The following CLYBL variants were observed in gnomAD, a reference collection of about 807,000 sequenced individuals.
CLYBL encodes the protein citramalyl-CoA lyase, also known as citramalyl-CoA lyase, mitochondrial.
A neutral mutation model predicts 38.9 loss-of-function variants in CLYBL; 31 were observed. That is an observed-to-expected ratio of 0.80 (90% confidence interval 0.60 to 1.08). The LOEUF is 1.08. CLYBL is among the 50% of genes least tolerant of loss of function. The pLI is 0.00. For synonymous variants in CLYBL, 171 were observed against 158.6 expected (o/e 1.08, Z -0.59); for missense variants, 434 against 411.6 (o/e 1.05, Z -0.47).
intron 1 of CLYBL, among the ~76,000 whole-genome samples, chr13:99,695,864 G>A (rs576338724): frequency 1.4e-4 from 22 of 152,148 alleles, no homozygotes; most frequent in Non-Finnish European, 3.1e-4. Context: ...TGTCACATGA[G>A]GGTCTTCAGG....
intron 1 of CLYBL, among the ~76,000 whole-genome samples, chr13:99,674,352 A>G (rs937913011): frequency 1.3e-5 from 2 of 151,788 alleles, no homozygotes; most frequent in East Asian, 1.9e-4. Context: ...GGGGTTCACC[A>G]TGTTGGCCAG....
chr13:99,674,397 A>G (rs1441515923), intron 1 of CLYBL, among the ~76,000 whole-genome samples: 1 of 151,880 alleles, frequency 6.6e-6, no homozygotes, highest in Non-Finnish European at 1.5e-5. Context: ...TGATCTGCCC[A>G]TCTCGGCCTC....
chr13:99,643,286 G>T (rs751804345), intron 1 of CLYBL: 7 of 152,516 alleles, frequency 4.6e-5, no homozygotes, highest in Non-Finnish European at 7.3e-5. Context: ...TTGGAATGAT[G>T]TCTGTATATT....
intron 1 of CLYBL, among the ~76,000 whole-genome samples, chr13:99,633,888 C>T (rs945412955): frequency 5.3e-5 from 8 of 152,096 alleles, no homozygotes; most frequent in Admixed American, 5.2e-4. Context: ...CCTCAGAGAC[C>T]TGTGGGACAG....
At chr13:99,856,986 A>G (rs1424630109) in intron 2 of CLYBL, among the ~76,000 whole-genome samples, 1 of 151,902 alleles carries the variant, frequency 6.6e-6, no homozygotes. Flanking sequence ...TAGAGCCAAG[A>G]TACTGAGCCA....
intron 1 of CLYBL, among the ~76,000 whole-genome samples, chr13:99,719,093 G>A (rs566286221): frequency 9.0e-4 from 135 of 150,730 alleles, no homozygotes; most frequent in Non-Finnish European, 2.5e-4. Context: ...CCTCAGGTAA[G>A]CTGCCTGTTT....
chr13:99,768,517 TTTTTTTTTTTTA>T (rs1490031531), intron 1 of CLYBL, among the ~76,000 whole-genome samples: 307 of 11,390 alleles, frequency 0.027, 21 homozygotes, highest in African/African-American at 0.059. Context: ...TTTTTTTTTT[TTTTTTTTTTTTA>T]AAGACAGAAT....
At chr13:99,685,772 G>C (rs1157668866) in intron 1 of CLYBL, among the ~76,000 whole-genome samples, 9 of 152,026 alleles carry the variant, frequency 5.9e-5, no homozygotes, top group Non-Finnish European at 1.3e-4. Context: ...GACCAGCCTG[G>C]CCAACATGGT....
intron 2 of CLYBL, among the ~76,000 whole-genome samples, chr13:99,844,549 CT>C (rs1474235048): frequency 6.6e-6 from 1 of 152,232 alleles, no homozygotes; most frequent in Admixed American, 6.5e-5. Flanking sequence ...TAAGATCCCC[CT>C]GGCAGTGGTC....
chr13:99,741,081 T>C (rs1432183080), intron 1 of CLYBL, among the ~76,000 whole-genome samples: 1 of 152,228 alleles, frequency 6.6e-6, no homozygotes, highest in Non-Finnish European at 1.5e-5. Flanking sequence ...CCTTCTTGCT[T>C]AGTTCAGTTT....
At chr13:99,867,326 C>T (rs1167407599) in intron 6 of CLYBL, among the ~76,000 whole-genome samples, 5 of 152,050 alleles carry the variant, frequency 3.3e-5, no homozygotes, top group Admixed American at 2.0e-4. Flanking sequence ...TAGCGGTTAC[C>T]GAAAGAAAGG....
chr13:99,851,455 A>G (rs997706209), intron 2 of CLYBL, among the ~76,000 whole-genome samples: 1 of 151,964 alleles, frequency 6.6e-6, no homozygotes, highest in African/African-American at 2.4e-5. Context: ...TTGTACATTT[A>G]AAGAAGATTT....
intron 1 of CLYBL, among the ~76,000 whole-genome samples, chr13:99,654,131 A>C (rs374590057): frequency 1.4e-4 from 22 of 152,012 alleles, no homozygotes; most frequent in African/African-American, 4.1e-4. Flanking sequence ...CTTTATGGGG[A>C]CACTATATTT....
chr13:99,841,527 G>A (rs1249460509), intron 2 of CLYBL, among the ~76,000 whole-genome samples: 2 of 152,210 alleles, frequency 1.3e-5, no homozygotes, highest in African/African-American at 4.8e-5. Context: ...AGCCTCGCGA[G>A]TAGCTGGTAC....
At chr13:99,871,107 A>G in intron 7 of CLYBL, 45 bp downstream of exon 7, 2 of 1,604,418 alleles carry the variant, frequency 1.2e-6, no homozygotes, top group South Asian at 1.1e-5. Flanking sequence ...TATTGAAAAT[A>G]TTGTCGGGAA....
rs550173605 is a variant in CLYBL, at chr13:99,902,642, A to G, written c.*25-2628A>G. On this transcript the variant is annotated intron_variant and NMD_transcript_variant, in intron 8 of 9. Transcript: ENST00000689673. ...TTAGGACTGCACCTTCATTTTTTGA[A>G]TTTTCAAAACTTGTCCCTTTTTACT... Among the ~76,000 whole-genome samples the G allele has an allele frequency of 3.3e-5, 5 of 152,276 alleles. No homozygotes were observed. The East Asian group carries it at 7.7e-4, about 24-fold the overall frequency.
At chr13:99,700,059 C>T (rs2048041231) in intron 1 of CLYBL, among the ~76,000 whole-genome samples, 2 of 152,070 alleles carry the variant, frequency 1.3e-5, no homozygotes, top group African/African-American at 4.8e-5. Flanking sequence ...TGCACTTTCC[C>T]ATTTCAAATT....
chr13:99,741,540 T>A (rs2048755018), intron 1 of CLYBL, among the ~76,000 whole-genome samples: 1 of 151,832 alleles, frequency 6.6e-6, no homozygotes, highest in Admixed American at 6.6e-5. Context: ...TTTGAGCATA[T>A]GTATCTTTTT....
chr13:99,714,123 A>G (rs1315638697), intron 1 of CLYBL, among the ~76,000 whole-genome samples: 3 of 152,100 alleles, frequency 2.0e-5, no homozygotes, highest in African/African-American at 7.2e-5. Context: ...TGTTTCTTTT[A>G]TAAATGATAT....
Sources: gnomAD v4.1 joint callset for allele counts (sites outside exome capture counted in the v4.1 genomes callset) on GRCh38, gnomAD v4.1.1 for gene constraint, MANE v1.5 for transcripts, NCBI Gene and HGNC (gene_info 2026-07-23, HGNC 2026-07-21) for gene names.